CSMD1: variants seen among roughly 807,000 people sequenced by gnomAD.
The protein encoded by CSMD1 is CUB and sushi domain-containing protein 1.
Under a neutral mutation model 417.5 loss-of-function variants are expected in CSMD1, and 213 were observed. The ratio of observed to expected loss-of-function variants is 0.51; its 90% CI spans 0.46 to 0.57. The LOEUF is 0.57. Among genes scored for constraint, CSMD1 ranks in the 20% least tolerant of loss-of-function variants. The pLI is 0.00. For missense variants in CSMD1, 6,923 were observed against 4,529.7 expected, an observed-to-expected ratio of 1.53 and a Z score of -15.17; for synonymous variants, 2,862 against 1,736.8, an observed-to-expected ratio of 1.65 and a Z score of -16.11.
At chr8:3,691,020 G>A (rs926127262) in intron 7 of CSMD1, among the ~76,000 whole-genome samples, 2 of 152,004 alleles carry the variant, frequency 1.3e-5, no homozygotes, top group East Asian at 1.9e-4. Context: ...TCTTTACCCT[G>A]GTACTAAAGT....
chr8:3,658,190 T>G (rs1585030393), intron 7 of CSMD1, among the ~76,000 whole-genome samples: 1 of 152,104 alleles, frequency 6.6e-6, no homozygotes, highest in Non-Finnish European at 1.5e-5. Context: ...ATTTTCTATG[T>G]AAACTGTATT....
intron 6 of CSMD1, among the ~76,000 whole-genome samples, chr8:3,719,793 T>C (rs1802046973): frequency 6.6e-6 from 1 of 152,178 alleles, no homozygotes; most frequent in South Asian, 2.1e-4. Flanking sequence ...TCTACGTGTG[T>C]CCAGCTTTTG....
intron 3 of CSMD1, among the ~76,000 whole-genome samples, chr8:4,245,925 T>G (rs935022582): frequency 4.6e-5 from 7 of 152,170 alleles, no homozygotes; most frequent in African/African-American, 1.2e-4. Flanking sequence ...TTTTCTCAAC[T>G]CATTAAAATG....
At chr8:4,454,914 C>T (rs1215577716) in intron 2 of CSMD1, among the ~76,000 whole-genome samples, 1 of 152,124 alleles carries the variant, frequency 6.6e-6, no homozygotes, top group African/African-American at 2.4e-5. Flanking sequence ...TGAAGTCTTA[C>T]AAACACATCT....
At chr8:4,391,842 G>C (rs922847152) in intron 3 of CSMD1, among the ~76,000 whole-genome samples, 2 of 152,158 alleles carry the variant, frequency 1.3e-5, no homozygotes, top group Non-Finnish European at 2.9e-5. Flanking sequence ...GCAAACCTGA[G>C]TCAATAGCCT....
chr8:4,126,711 G>A (rs1451161653), intron 3 of CSMD1, among the ~76,000 whole-genome samples: 1 of 152,120 alleles, frequency 6.6e-6, no homozygotes, highest in African/African-American at 2.4e-5. Context: ...CACTCTCCTG[G>A]AAGCTGCTCC....
intron 3 of CSMD1, among the ~76,000 whole-genome samples, chr8:4,071,296 C>G (rs952899702): frequency 5.9e-5 from 9 of 152,088 alleles, no homozygotes; most frequent in African/African-American, 1.4e-4. Context: ...CTTATTTTCT[C>G]TATATTCTAC....
intron 5 of CSMD1, among the ~76,000 whole-genome samples, chr8:3,965,930 T>C (rs1487071888): frequency 1.3e-5 from 2 of 152,272 alleles, no homozygotes; most frequent in East Asian, 1.9e-4. Flanking sequence ...GGTTATGATT[T>C]TATAAGAAAT....
At chr8:3,169,003 C>G (rs534734273) in intron 37 of CSMD1, among the ~76,000 whole-genome samples, 3 of 152,260 alleles carry the variant, frequency 2.0e-5, no homozygotes, top group African/African-American at 7.2e-5. Context: ...GAACTCTCAT[C>G]AAGTTTATTT....
rs73174291 is a variant in CSMD1 at position 4,340,071 on chromosome 8, G to A, written c.415+79882C>T. Among the ~76,000 whole-genome samples the A allele has an allele frequency of 1.9e-3, 295 of 152,160 alleles. 2 individuals are homozygous for A. The highest frequency in any genetic ancestry group is 0.016 in the South Asian group (77 of 4,816). ...ACCGTATGTTTTAGGACTGACTCTG[G>A]TAACGTAAGTATTAGAGAAATTAGA... is the stretch of plus-strand genomic sequence containing the variant. On this transcript the variant is annotated intron_variant, in intron 3 of 69. Coordinates refer to ENST00000635120, the MANE Select transcript of CSMD1 (RefSeq NM_033225.6).
At chr8:3,345,945 C>T (rs192688721) in intron 22 of CSMD1, among the ~76,000 whole-genome samples, 1 of 152,148 alleles carries the variant, frequency 6.6e-6, no homozygotes, top group African/African-American at 2.4e-5. Context: ...CATGATTTTT[C>T]CACATGAAGC....
chr8:3,609,897 G>A (rs1463847536), intron 8 of CSMD1, among the ~76,000 whole-genome samples: 1 of 138,410 alleles, frequency 7.2e-6, no homozygotes, highest in African/African-American at 2.7e-5. Flanking sequence ...CGGCTCCTGG[G>A]TTCAAACGAT....
At chr8:4,983,267 T>C (rs989481010) in intron 1 of CSMD1, among the ~76,000 whole-genome samples, 15 of 152,218 alleles carry the variant, frequency 9.9e-5, no homozygotes, top group African/African-American at 2.9e-4. Flanking sequence ...ACACCTTCCC[T>C]AGGTCAACTC....
chr8:4,365,043 A>G (rs1270685851), intron 3 of CSMD1, among the ~76,000 whole-genome samples: 1 of 152,144 alleles, frequency 6.6e-6, no homozygotes, highest in Non-Finnish European at 1.5e-5. Flanking sequence ...TTCTCTTTCA[A>G]TTGTGAGGAC....
intron 1 of CSMD1, among the ~76,000 whole-genome samples, chr8:4,677,459 A>G (rs1805769187): frequency 6.6e-6 from 1 of 152,094 alleles, no homozygotes; most frequent in Non-Finnish European, 1.5e-5. Context: ...TCAACACACT[A>G]CAATTTATAT....
chr8:3,113,142 G>C (rs1298361640), intron 42 of CSMD1: 1 of 152,272 alleles, frequency 6.6e-6, no homozygotes. Flanking sequence ...GGGGTTCAAA[G>C]TGGAGTCTGG....
rs1192383183 is a variant in CSMD1 at position 4,841,930 on chromosome 8, A to AAAAAAAAAAAAAAAAACAAAAC, written c.85+152401_85+152402insGTTTTGTTTTTTTTTTTTTTTT. ...CCGTCTCAAAAAAAAAAAAAAAAAA[A>AAAAAAAAAAAAAAAAACAAAAC]AAAAAAAAGTTCAGAACAATGGATA... On this transcript the variant is annotated intron_variant, in intron 1 of 69. Transcript: ENST00000635120. 4.0e-4 allele frequency among the ~76,000 whole-genome samples: 49 copies of AAAAAAAAAAAAAAAAACAAAAC among 122,478 alleles called. 1 individual carries two copies. The highest frequency in any genetic ancestry group is 1.7e-3 in the East Asian group (6 of 3,578). 80.4% of individuals were successfully genotyped at this position (122,478 alleles called of 152,430 possible). A position where few individuals can be genotyped will look rare whatever the true frequency, so the allele number is the denominator to read the frequency against.
At chr8:3,840,827 C>G (rs965497224) in intron 5 of CSMD1, among the ~76,000 whole-genome samples, 3 of 151,704 alleles carry the variant, frequency 2.0e-5, no homozygotes, top group South Asian at 2.1e-4. Flanking sequence ...TTCCAAGTAG[C>G]TGGGCGCCTG....
At chr8:4,000,781 A>C (rs964293110) in intron 4 of CSMD1, among the ~76,000 whole-genome samples, 1 of 151,924 alleles carries the variant, frequency 6.6e-6, no homozygotes, top group Non-Finnish European at 1.5e-5. Flanking sequence ...TTTTCTCTGA[A>C]TTCATTATAT....
Sources: allele counts gnomAD v4.1 joint callset (sites outside exome capture counted in the v4.1 genomes callset), GRCh38; gene constraint gnomAD v4.1.1; transcripts MANE v1.5; gene names NCBI Gene and HGNC (gene_info 2026-07-23, HGNC 2026-07-21).